PDE1C: variants seen among roughly 807,000 people sequenced by gnomAD.
The protein encoded by PDE1C is dual specificity calcium/calmodulin-dependent 3',5'-cyclic nucleotide phosphodiesterase 1C.
Under a neutral mutation model 93.1 loss-of-function variants are expected in PDE1C, and 62 were observed. That is an observed-to-expected ratio of 0.67 (90% CI 0.54 to 0.82). PDE1C has a LOEUF of 0.82. Ranked by LOEUF, PDE1C falls within the 40% of genes least tolerant of loss-of-function variation. The probability of loss-of-function intolerance (pLI) is 0.00; values close to 1 mark genes in which losing one functional copy is unlikely to be tolerated. For missense variants in PDE1C, 742 were observed against 884.6 expected (o/e 0.84, Z 2.04); for synonymous variants, 325 against 310.1 (o/e 1.05, Z -0.50).
At chr7:31,687,637 A>C in the PDE1C span, among the ~76,000 whole-genome samples, 1 of 152,196 alleles carries the variant, frequency 6.6e-6, no homozygotes, top group South Asian at 2.1e-4. Flanking sequence ...CTCAAAACAC[A>C]TTCTCCATGC....
chr7:32,049,570 G>A (rs1459609862), intron 2 of PDE1C, among the ~76,000 whole-genome samples: 7 of 152,256 alleles, frequency 4.6e-5, no homozygotes, highest in Admixed American at 3.3e-4. Context: ...ACCCCTGGAG[G>A]AGACCATGCA....
At chr7:32,211,053 C>A (rs1014014208) in intron 1 of PDE1C, among the ~76,000 whole-genome samples, 3 of 151,868 alleles carry the variant, frequency 2.0e-5, no homozygotes, top group African/African-American at 4.8e-5. Context: ...ACTAAAAATA[C>A]GAAAAATTAG....
chr7:32,126,538 A>T (rs1334543298), intron 3 of PDE1C, among the ~76,000 whole-genome samples: 1 of 152,196 alleles, frequency 6.6e-6, no homozygotes, highest in African/African-American at 2.4e-5. Flanking sequence ...ATAACACAGG[A>T]TCTATGAAAA....
At chr7:31,764,479 T>C (rs1795020594) in intron 17 of PDE1C, among the ~76,000 whole-genome samples, 1 of 152,136 alleles carries the variant, frequency 6.6e-6, no homozygotes, top group Non-Finnish European at 1.5e-5. Flanking sequence ...TAACCTCAAG[T>C]ACAAAGAGTG....
the PDE1C span, among the ~76,000 whole-genome samples, chr7:31,659,065 C>T: frequency 6.6e-6 from 1 of 152,046 alleles, no homozygotes; most frequent in Non-Finnish European, 1.5e-5. Context: ...TTTTTAAAAA[C>T]TGAAAGTATT....
At chr7:32,138,511 C>T (rs1162242250) in intron 3 of PDE1C, among the ~76,000 whole-genome samples, 1 of 152,122 alleles carries the variant, frequency 6.6e-6, no homozygotes, top group African/African-American at 2.4e-5. Context: ...GCACACTCTC[C>T]TTGCCCCATC....
chr7:32,193,369 A>ATGC (rs1804370098), intron 2 of PDE1C, among the ~76,000 whole-genome samples: 1 of 152,180 alleles, frequency 6.6e-6, no homozygotes, highest in South Asian at 2.1e-4. Context: ...TGAATATTGA[A>ATGC]TGCTGTCAAA....
intron 2 of PDE1C, among the ~76,000 whole-genome samples, chr7:31,904,913 A>G (rs958893191): frequency 6.6e-6 from 1 of 152,114 alleles, no homozygotes; most frequent in African/African-American, 2.4e-5. Flanking sequence ...TCAACTAATA[A>G]ACATGGTAAA....
chr7:31,898,227 TA>T (rs776814016), intron 2 of PDE1C, among the ~76,000 whole-genome samples: 5 of 152,176 alleles, frequency 3.3e-5, no homozygotes, highest in Non-Finnish European at 5.9e-5. Context: ...TTTGTATTTT[TA>T]AAAGAATCTA....
At chr7:31,782,155 G>C (rs2058411) in intron 16 of PDE1C, among the ~76,000 whole-genome samples, 8 of 152,072 alleles carry the variant, frequency 5.3e-5, no homozygotes, top group African/African-American at 1.9e-4. Context: ...AGTAAATTGC[G>C]CTAGAGCCAC....
intron 1 of PDE1C, among the ~76,000 whole-genome samples, chr7:32,326,510 G>GAA (rs890734600): frequency 2.6e-5 from 4 of 152,210 alleles, no homozygotes; most frequent in African/African-American, 9.6e-5. Flanking sequence ...CAGTGCCTCG[G>GAA]AAACCAGGTG....
chr7:31,994,794 G>T (rs745951979), intron 2 of PDE1C, among the ~76,000 whole-genome samples: 5 of 152,092 alleles, frequency 3.3e-5, no homozygotes, highest in African/African-American at 1.2e-4. Flanking sequence ...GAAGAGTGAC[G>T]GCACAATTAC....
intron 1 of PDE1C, among the ~76,000 whole-genome samples, chr7:32,329,781 T>C (rs956801162): frequency 6.6e-6 from 1 of 152,196 alleles, no homozygotes; most frequent in African/African-American, 2.4e-5. Context: ...GAGGACTTGG[T>C]TGAAACTAGT....
chr7:31,866,796 C>T (rs777026795), intron 6 of PDE1C, among the ~76,000 whole-genome samples: 8 of 151,998 alleles, frequency 5.3e-5, no homozygotes, highest in Admixed American at 2.0e-4. Flanking sequence ...ATCTCTCCAG[C>T]GAAAAGAAAG....
intron 9 of PDE1C, among the ~76,000 whole-genome samples, chr7:31,843,989 A>G (rs1320892875): frequency 2.6e-5 from 4 of 151,696 alleles, no homozygotes. Context: ...AAATCCTGCA[A>G]CAGTATAGGT....
the PDE1C span, among the ~76,000 whole-genome samples, chr7:31,675,165 A>C: frequency 6.6e-6 from 1 of 152,152 alleles, no homozygotes; most frequent in African/African-American, 2.4e-5. Flanking sequence ...AGAGCTGTCA[A>C]GATGTGGTTG....
At chr7:31,663,221 T>G in the PDE1C span, among the ~76,000 whole-genome samples, 1 of 152,168 alleles carries the variant, frequency 6.6e-6, no homozygotes, top group East Asian at 1.9e-4. Flanking sequence ...CTTCCTGCAG[T>G]TGGGTCTACC....
At chr7:32,093,197 G>A (rs1244926321) in intron 3 of PDE1C, among the ~76,000 whole-genome samples, 1 of 152,216 alleles carries the variant, frequency 6.6e-6, no homozygotes, top group Non-Finnish European at 1.5e-5. Flanking sequence ...TTTCAGAAGA[G>A]CAAGCTCTTT....
intron 2 of PDE1C, among the ~76,000 whole-genome samples, chr7:32,175,198 G>A (rs1322706487): frequency 6.6e-6 from 1 of 152,114 alleles, no homozygotes; most frequent in Non-Finnish European, 1.5e-5. Context: ...CTTCTAAAAA[G>A]GCTAGAAAAC....
Sources: allele counts gnomAD v4.1 joint callset (sites outside exome capture counted in the v4.1 genomes callset), GRCh38; gene constraint gnomAD v4.1.1; transcripts MANE v1.5; gene names NCBI Gene and HGNC (gene_info 2026-07-23, HGNC 2026-07-21).